The following CSMD1 variants were observed in gnomAD, a reference collection of about 807,000 sequenced individuals.
CSMD1 encodes CUB and Sushi multiple domains 1, also known as CUB and sushi domain-containing protein 1.
A neutral mutation model predicts 417.5 loss-of-function variants in CSMD1; 213 were observed. The ratio of observed to expected loss-of-function variants is 0.51; its 90% confidence interval spans 0.46 to 0.57. The LOEUF is 0.57. Ranked by LOEUF, CSMD1 falls within the 20% of genes least tolerant of loss-of-function variation. The probability of loss-of-function intolerance (pLI) is 0.00; values close to 1 mark genes in which losing one functional copy is unlikely to be tolerated. For missense variants in CSMD1, 6,923 were observed against 4,529.7 expected (o/e 1.53, Z -15.17); for synonymous variants, 2,862 against 1,736.8 (o/e 1.65, Z -16.11).
chr8:4,377,718 A>C (rs1382580054), intron 3 of CSMD1, among the ~76,000 whole-genome samples: 1 of 152,216 alleles, frequency 6.6e-6, no homozygotes, highest in Admixed American at 6.5e-5. Flanking sequence ...CTTTTGATTT[A>C]AAATACTTCT....
intron 1 of CSMD1, among the ~76,000 whole-genome samples, chr8:4,851,306 T>A (rs1259327952): frequency 6.6e-6 from 1 of 152,070 alleles, no homozygotes; most frequent in Non-Finnish European, 1.5e-5. Context: ...CATAGTATTC[T>A]ATGGTGTATA....
chr8:3,437,569 A>C (rs1433787413), intron 12 of CSMD1, among the ~76,000 whole-genome samples: 3 of 152,200 alleles, frequency 2.0e-5, no homozygotes. Context: ...ACTGGACTGC[A>C]GGAGCCCATC....
intron 10 of CSMD1, among the ~76,000 whole-genome samples, chr8:3,503,796 C>A (rs1021379595): frequency 2.9e-4 from 44 of 151,966 alleles, no homozygotes; most frequent in Non-Finnish European, 5.9e-4. Context: ...AGCAGCCCCC[C>A]TCTTTCCTTG....
At chr8:3,631,011 T>C (rs543813487) in intron 7 of CSMD1, among the ~76,000 whole-genome samples, 11 of 152,250 alleles carry the variant, frequency 7.2e-5, no homozygotes, top group African/African-American at 2.6e-4. Flanking sequence ...AGCACCATGT[T>C]GAACCCTTGA....
At chr8:3,836,783 G>C (rs946579785) in intron 5 of CSMD1, among the ~76,000 whole-genome samples, 8 of 151,990 alleles carry the variant, frequency 5.3e-5, no homozygotes, top group East Asian at 1.9e-4. Context: ...CACAATCTTA[G>C]TGTTTTATTT....
At chr8:4,239,520 G>A (rs1439303297) in intron 3 of CSMD1, among the ~76,000 whole-genome samples, 2 of 152,164 alleles carry the variant, frequency 1.3e-5, no homozygotes, top group East Asian at 1.9e-4. Flanking sequence ...CTCAGAGCTG[G>A]TTTTGGTGGT....
chr8:3,485,558 G>GAGAC (rs1554439245), intron 11 of CSMD1, among the ~76,000 whole-genome samples: 2,705 of 151,050 alleles, frequency 0.018, 94 homozygotes, highest in African/African-American at 0.062. Flanking sequence ...GAGAGAGAGA[G>GAGAC]AGAGAGGGAG....
intron 1 of CSMD1, among the ~76,000 whole-genome samples, chr8:4,990,019 A>C (rs1022401768): frequency 1.3e-5 from 2 of 152,174 alleles, no homozygotes; most frequent in African/African-American, 4.8e-5. Flanking sequence ...GGCCAGCTGA[A>C]AGCCAATATA....
At chr8:4,686,354 A>T in intron 1 of CSMD1, among the ~76,000 whole-genome samples, 1 of 152,204 alleles carries the variant, frequency 6.6e-6, no homozygotes, top group South Asian at 2.1e-4. Context: ...CCTAACCCTA[A>T]ATATGGCACT....
chr8:3,693,889 T>C (rs1453882959), intron 7 of CSMD1, among the ~76,000 whole-genome samples: 4 of 151,074 alleles, frequency 2.6e-5, no homozygotes, highest in African/African-American at 7.3e-5. Context: ...ATGTTGAATA[T>C]AGATGTGTGT....
At chr8:3,481,283 A>C (rs781233235) in intron 11 of CSMD1, among the ~76,000 whole-genome samples, 17 of 152,110 alleles carry the variant, frequency 1.1e-4, no homozygotes, top group African/African-American at 1.7e-4. Flanking sequence ...TGTTTTCAAA[A>C]GAGAAAAAAC....
intron 5 of CSMD1, among the ~76,000 whole-genome samples, chr8:3,944,501 C>A (rs1811094739): frequency 6.6e-6 from 1 of 151,916 alleles, no homozygotes; most frequent in African/African-American, 2.4e-5. Context: ...TCACTTTAAC[C>A]TTTAGATTAG....
chr8:4,392,392 A>G (rs542093859), intron 3 of CSMD1, among the ~76,000 whole-genome samples: 24 of 152,164 alleles, frequency 1.6e-4, no homozygotes, highest in African/African-American at 5.8e-4. Context: ...AAAATCAGAG[A>G]CACAAAATTA....
intron 1 of CSMD1, among the ~76,000 whole-genome samples, chr8:4,652,067 T>G (rs1206930560): frequency 6.6e-6 from 1 of 152,206 alleles, no homozygotes; most frequent in Non-Finnish European, 1.5e-5. Context: ...CAGGAAGAAC[T>G]TGAATTGTCA....
intron 5 of CSMD1, among the ~76,000 whole-genome samples, chr8:3,963,619 A>G (rs1812474316): frequency 6.6e-6 from 1 of 152,214 alleles, no homozygotes; most frequent in Non-Finnish European, 1.5e-5. Flanking sequence ...AGTAGCACAT[A>G]TGGTATATTG....
chr8:4,870,420 G>C (rs1015290100), intron 1 of CSMD1, among the ~76,000 whole-genome samples: 2 of 152,110 alleles, frequency 1.3e-5, no homozygotes, highest in African/African-American at 2.4e-5. Flanking sequence ...TTTTCTTAAA[G>C]GATGCATAGT....
intron 2 of CSMD1, among the ~76,000 whole-genome samples, chr8:4,444,121 C>T (rs1386675839): frequency 6.6e-6 from 1 of 151,896 alleles, no homozygotes; most frequent in Non-Finnish European, 1.5e-5. Flanking sequence ...GCAGGTCGAT[C>T]ACTTCAGGTC....
In CSMD1 at chr8:4,935,353, G is replaced by T. The variant is rs145113877; in HGVS notation, c.85+58979C>A. 1.3e-3 allele frequency among the ~76,000 whole-genome samples: 191 copies of T among 152,240 alleles called. 2 individuals are homozygous for T. Among genetic ancestry groups the T allele is most frequent in the African/African-American group, 4.4e-3 (182 of 41,522 alleles). ...CCTGCGCCCTCTGGGTGGAGACATCGCCCTGTGTGTATCCTTACCTCCTGC... is the reference window on the plus strand; with the variant it reads ...CCTGCGCCCTCTGGGTGGAGACATCTCCCTGTGTGTATCCTTACCTCCTGC... On this transcript the variant is annotated intron_variant, in intron 1 of 69. Transcript: ENST00000635120.
rs575615527 is a variant in CSMD1 at position 4,064,475 on chromosome 8, T to A, written c.416-32376A>T. Among the ~76,000 whole-genome samples, 3 of 152,336 alleles carry A rather than the reference T, an allele frequency of 2.0e-5. No homozygotes were observed. In the East Asian group the frequency reaches 5.8e-4, roughly 29 times the overall value. On this transcript the variant is annotated intron_variant, in intron 3 of 69. Transcript: ENST00000635120. ...TTTTCATATATCAAAACTGTAGCTGTCTAGAGCTGCATGTGCCTGCAAATG... is the reference window on the plus strand; with the variant it reads ...TTTTCATATATCAAAACTGTAGCTGACTAGAGCTGCATGTGCCTGCAAATG...
Sources: gnomAD v4.1 joint callset for allele counts (sites outside exome capture counted in the v4.1 genomes callset) on GRCh38, gnomAD v4.1.1 for gene constraint, MANE v1.5 for transcripts, NCBI Gene and HGNC (gene_info 2026-07-23, HGNC 2026-07-21) for gene names.